HCRTR2: variants seen among roughly 807,000 people sequenced by gnomAD.
HCRTR2 encodes orexin receptor type 2.
HCRTR2 carries 22 observed loss-of-function variants against 49.0 expected under a neutral mutation model. The observed-to-expected ratio is 0.45, with a 90% CI of 0.32 to 0.64. The LOEUF is 0.64. Among genes scored for constraint, HCRTR2 ranks in the 30% least tolerant of loss-of-function variants. HCRTR2 has a pLI of 0.04. For missense variants in HCRTR2, 491 were observed against 559.4 expected, an observed-to-expected ratio of 0.88 and a Z score of 1.23; for synonymous variants, 236 against 205.3, an observed-to-expected ratio of 1.15 and a Z score of -1.28.
intron 1 of HCRTR2, among the ~76,000 whole-genome samples, chr6:55,177,466 A>G (rs1356342566): frequency 6.6e-6 from 1 of 152,194 alleles, no homozygotes; most frequent in African/African-American, 2.4e-5. Flanking sequence ...GGTATAAGTA[A>G]TTTTGCACAT....
chr6:55,112,603 TCTA>T (rs1274804250), intron 1 of HCRTR2, among the ~76,000 whole-genome samples: 1 of 150,006 alleles, frequency 6.7e-6, no homozygotes, highest in Non-Finnish European at 1.5e-5. Context: ...GTGAAATACT[TCTA>T]CAAGGAAAAC....
intron 1 of HCRTR2, among the ~76,000 whole-genome samples, chr6:55,111,330 C>T (rs1344888202): frequency 6.7e-6 from 1 of 148,224 alleles, no homozygotes; most frequent in Non-Finnish European, 1.5e-5. Flanking sequence ...CTGAGCAGAA[C>T]TGAATGAAAT....
At chr6:55,159,177 G>A (rs1764771394) in intron 1 of HCRTR2, among the ~76,000 whole-genome samples, 1 of 152,078 alleles carries the variant, frequency 6.6e-6, no homozygotes, top group Non-Finnish European at 1.5e-5. Flanking sequence ...GTCTGACGTT[G>A]ACCTCCAGCA....
chr6:55,106,990 G>A (rs1291320745), intron 1 of HCRTR2, among the ~76,000 whole-genome samples: 1 of 152,146 alleles, frequency 6.6e-6, no homozygotes, highest in Non-Finnish European at 1.5e-5. Flanking sequence ...CTTCTAGTGT[G>A]ACTCTCCAAG....
chr6:55,238,813 A>G (rs1766264275), intron 1 of HCRTR2, among the ~76,000 whole-genome samples: 2 of 152,226 alleles, frequency 1.3e-5, no homozygotes, highest in Non-Finnish European at 2.9e-5. Context: ...CAAGTGGATT[A>G]AAGACAGATA....
intron 1 of HCRTR2, among the ~76,000 whole-genome samples, chr6:55,230,819 T>A (rs1766100182): frequency 6.6e-6 from 1 of 151,758 alleles, no homozygotes; most frequent in South Asian, 2.1e-4. Context: ...ATCTGAATGT[T>A]ATTATCCAAT....
rs1767213729 is a variant in HCRTR2, at chr6:55,282,539, G to A, written c.*85G>A. 4.0e-6 allele frequency: 3 copies of A among 757,324 alleles called. No homozygotes were observed. Among genetic ancestry groups the A allele is most frequent in the South Asian group, 3.1e-5 (2 of 64,238 alleles). The allele number at this position is 757,324 out of a possible 1,614,324, so 46.9% of individuals were successfully genotyped here. A position where few individuals can be genotyped will look rare whatever the true frequency, so the allele number is the denominator to read the frequency against. ...AACAGAAATTTTATTATCCTATGAT[G>A]TGAAGCTAAAATTACTTGTGGATCT... On this transcript the variant is annotated 3_prime_UTR_variant, in exon 7 of 7. Transcript: ENST00000370862.
intron 1 of HCRTR2, among the ~76,000 whole-genome samples, chr6:55,118,688 G>A (rs1344610757): frequency 3.3e-5 from 5 of 151,718 alleles, no homozygotes. Flanking sequence ...ATTGTTGGCT[G>A]CATGTACGTC....
rs917427627 is a variant in HCRTR2, at chr6:55,241,861, A to ATTTTTTTTTTTTT, written c.224-6767_224-6755dup. Among the ~76,000 whole-genome samples, 69 of 92,518 alleles carry ATTTTTTTTTTTTT rather than the reference A, an allele frequency of 7.5e-4. 7 individuals carry two copies. The highest frequency in any genetic ancestry group is 1.8e-3 in the South Asian group (5 of 2,856). 60.7% of individuals were successfully genotyped at this position (92,518 alleles called of 152,430 possible). ...GTAGTCTGTCTTACTATGGCAACTA[A>ATTTTTTTTTTTTT]TTTTTTTTTTTTTTTTTTTTTTTGT... On this transcript the variant is annotated intron_variant, in intron 1 of 6. Coordinates refer to ENST00000370862, the MANE Select transcript of HCRTR2 (RefSeq NM_001384272.1).
intron 1 of HCRTR2, among the ~76,000 whole-genome samples, chr6:55,189,422 G>A (rs1042621401): frequency 6.6e-6 from 1 of 152,164 alleles, no homozygotes; most frequent in African/African-American, 2.4e-5. Flanking sequence ...GTCTGAAGAT[G>A]GAAGTTGGCA....
At chr6:55,106,561 C>T (rs776355041) in intron 1 of HCRTR2, 1 of 151,924 alleles carries the variant, frequency 6.6e-6, no homozygotes, top group Non-Finnish European at 1.5e-5. Flanking sequence ...TACTTTAATT[C>T]ATTTACTCTA....
intron 1 of HCRTR2, among the ~76,000 whole-genome samples, chr6:55,131,497 C>A (rs574622168): frequency 1.9e-4 from 29 of 151,656 alleles, no homozygotes; most frequent in Non-Finnish European, 3.0e-4. Context: ...CCTGCAATTA[C>A]TTATGTGGTT....
At chr6:55,277,820 T>C (rs1204700312) in intron 5 of HCRTR2, among the ~76,000 whole-genome samples, 3 of 152,300 alleles carry the variant, frequency 2.0e-5, no homozygotes, top group Non-Finnish European at 2.9e-5. Context: ...CTCAGTTGCA[T>C]GGCAGACATA....
chr6:55,185,945 G>A (rs1765210501), intron 1 of HCRTR2, among the ~76,000 whole-genome samples: 1 of 152,146 alleles, frequency 6.6e-6, no homozygotes, highest in Admixed American at 6.5e-5. Flanking sequence ...ACTGGCTCCT[G>A]CTCAGCTCAC....
chr6:55,279,492 A>G (rs1767145443), intron 5 of HCRTR2, among the ~76,000 whole-genome samples: 1 of 148,110 alleles, frequency 6.8e-6, no homozygotes, highest in South Asian at 2.2e-4. Context: ...TATACCAGAA[A>G]TGCATTGTTG....
intron 1 of HCRTR2, among the ~76,000 whole-genome samples, chr6:55,165,808 A>G (rs1764870133): frequency 7.2e-6 from 1 of 138,916 alleles, no homozygotes. Context: ...CCTCAACTAT[A>G]AAGAGACGAA....
intron 1 of HCRTR2, among the ~76,000 whole-genome samples, chr6:55,235,909 A>G (rs1173353494): frequency 1.3e-5 from 2 of 151,950 alleles, no homozygotes; most frequent in Non-Finnish European, 2.9e-5. Flanking sequence ...TTGTTTACTG[A>G]CACTTTGTAT....
intron 1 of HCRTR2, among the ~76,000 whole-genome samples, chr6:55,188,428 A>G (rs545536362): frequency 3.3e-5 from 5 of 152,330 alleles, no homozygotes; most frequent in East Asian, 1.9e-4. Context: ...ATAGAAATAT[A>G]TGCAGATTGT....
chr6:55,192,888 T>G (rs1765344497), intron 1 of HCRTR2, among the ~76,000 whole-genome samples: 1 of 152,142 alleles, frequency 6.6e-6, no homozygotes, highest in Non-Finnish European at 1.5e-5. Flanking sequence ...ATTTCAGAAA[T>G]GAAGAAAATG....
Sources: allele counts gnomAD v4.1 joint callset (sites outside exome capture counted in the v4.1 genomes callset), GRCh38; gene constraint gnomAD v4.1.1; transcripts MANE v1.5; gene names NCBI Gene and HGNC (gene_info 2026-07-23, HGNC 2026-07-21).